Variants in PTPN23 observed in about 807,000 individuals in gnomAD.
The protein encoded by PTPN23 is tyrosine-protein phosphatase non-receptor type 23.
In PTPN23, 72 loss-of-function variants were observed where a neutral mutation model predicts 156.3. The ratio of observed to expected loss-of-function variants is 0.46; its 90% confidence interval spans 0.38 to 0.56. PTPN23 has a LOEUF of 0.56. Ranked by LOEUF, PTPN23 falls within the 20% of genes least tolerant of loss-of-function variation. PTPN23 has a pLI of 0.00. For missense variants in PTPN23, 1,974 were observed against 2,171.5 expected, an observed-to-expected ratio of 0.91 and a Z score of 1.81; for synonymous variants, 957 against 899.6, an observed-to-expected ratio of 1.06 and a Z score of -1.14.
At position 47,410,579 on chromosome 3, in the gene PTPN23, G is replaced by A. The variant is rs964219859; in HGVS notation, c.2781G>A (p.Gly927=). The A allele has an allele frequency of 3.7e-6, 6 of 1,611,902 alleles. No individual in the cohort carries two copies. The highest frequency in any genetic ancestry group is 2.7e-5 in the African/African-American group (2 of 74,530). The change falls in exon 20 of 25, where the codon GGG becomes GGA. Residue 927 remains glycine, a synonymous_variant. Coordinates refer to ENST00000265562, the MANE Select transcript of PTPN23 (RefSeq NM_015466.4). Reference sequence around the variant, plus strand: ...CCACGCCTTACACCTACCCTGCAGGGGCTAAGCAACCCATCCCGGCACAGC... The same window carrying A: ...CCACGCCTTACACCTACCCTGCAGGAGCTAAGCAACCCATCCCGGCACAGC... ...PLPTPYTYPA[G]AKQPIPAQHH... is the part of the protein sequence containing the mutation.
intron 2 of PTPN23, among the ~76,000 whole-genome samples, chr3:47,400,025 G>T (rs765534492): frequency 6.6e-6 from 1 of 152,048 alleles, no homozygotes; most frequent in Non-Finnish European, 1.5e-5. Flanking sequence ...TCCCCAGGCT[G>T]GTCTTAAACT....
Position 47,405,674 on chromosome 3 carries a change from C to T in PTPN23, c.365-75C>T, listed in dbSNP as rs1705103745. On this transcript the variant is annotated intron_variant, in intron 4 of 24. Transcript: ENST00000265562. This position sits in a 1 kb window ranked among gnomAD's most constrained non-coding sequence, Gnocchi z 4.7. ...ATGTTGTCCTGATTGTGGATAACAG[C>T]AGTGCCCCCTCTGTCTCACCTTCAC... 1.4e-6 allele frequency: 2 copies of T among 1,434,824 alleles called. No individual in the cohort carries two copies. The highest frequency in any genetic ancestry group is 1.9e-6 in the Non-Finnish European group (2 of 1,042,552). The allele number at this position is 1,434,824 out of a possible 1,614,324, so 88.9% of individuals were successfully genotyped here.
intron 1 of PTPN23, among the ~76,000 whole-genome samples, chr3:47,382,359 T>C (rs988791395): frequency 6.6e-6 from 1 of 151,720 alleles, no homozygotes; most frequent in African/African-American, 2.4e-5. Context: ...TTCGCTCTTG[T>C]TGCCCAGGCT....
intron 1 of PTPN23, among the ~76,000 whole-genome samples, chr3:47,383,969 C>G (rs1470800927): frequency 6.6e-6 from 1 of 152,198 alleles, no homozygotes; most frequent in Admixed American, 6.5e-5. Context: ...TATGCTTGCT[C>G]TGAGCTGTGG....
In PTPN23 at chr3:47,381,094, G is replaced by T; in HGVS notation, c.-3G>T. ...GCCGGGTGGCCGGCGGGTGCCAGCC[G>T]CCATGGAGGCCGTGCCCCGCATGCC... On this transcript the variant is annotated 5_prime_UTR_variant, in exon 1 of 25. Transcript: ENST00000265562. 1 of 1,566,494 alleles carries T rather than the reference G, an allele frequency of 6.4e-7. No individual in the cohort carries two copies. The highest frequency in any genetic ancestry group is 1.2e-5 in the South Asian group (1 of 85,438).
chr3:47,392,857 G>A (rs1165179084), intron 1 of PTPN23, among the ~76,000 whole-genome samples: 2 of 151,976 alleles, frequency 1.3e-5, no homozygotes, highest in African/African-American at 4.8e-5. Context: ...TCACTATCTA[G>A]TATTTTTGTT....
At position 47,406,679 on chromosome 3, in the gene PTPN23, G is replaced by T; in HGVS notation, c.760-24G>T. ...GTGGCCACAGCTCAGGAAGCAAGTC[G>T]TGGCGTCTCTTCTTCTTTCCCAGCT... is the stretch of plus-strand genomic sequence containing the variant. On this transcript the variant is annotated intron_variant, in intron 8 of 24. Coordinates refer to ENST00000265562, the MANE Select transcript of PTPN23 (RefSeq NM_015466.4). The surrounding 1 kb of genome is among the most constrained non-coding windows in gnomAD (Gnocchi z 5.8). The T allele has an allele frequency of 1.2e-6, 2 of 1,614,012 alleles. No individual in the cohort carries two copies. Among genetic ancestry groups the T allele is most frequent in the Middle Eastern group, 1.7e-4 (1 of 6,054 alleles).
intron 2 of PTPN23, among the ~76,000 whole-genome samples, chr3:47,401,409 G>A (rs1036620767): frequency 6.6e-6 from 1 of 151,988 alleles, no homozygotes; most frequent in African/African-American, 2.4e-5. Flanking sequence ...GTCTCGCCAT[G>A]TTCTTCAGGC....
chr3:47,386,338 G>T (rs552208010), intron 1 of PTPN23, among the ~76,000 whole-genome samples: 1 of 152,108 alleles, frequency 6.6e-6, no homozygotes, highest in East Asian at 1.9e-4. Context: ...ACCAATTTTT[G>T]TATTTTTAAT....
In PTPN23 at chr3:47,409,890, G is replaced by A. The variant is rs369307762; in HGVS notation, c.2130-38G>A. 9.1e-5 allele frequency: 144 copies of A among 1,580,522 alleles called. No individual in the cohort carries two copies. In the African/African-American group the frequency reaches 1.8e-3, roughly 20 times the overall value. ...TCGGGTCCAGACAGGCTGGGGTGAT[G>A]GGAGCCTGGCCCCACTTTTTCCTTG... is the stretch of plus-strand genomic sequence containing the variant. On this transcript the variant is annotated intron_variant, in intron 19 of 24. Coordinates refer to ENST00000265562, the MANE Select transcript of PTPN23 (RefSeq NM_015466.4).
In PTPN23 at chr3:47,410,045, C is replaced by G; in HGVS notation, c.2247C>G (p.Pro749=). 1.2e-6 allele frequency: 2 copies of G among 1,611,612 alleles called. No individual in the cohort carries two copies. Among genetic ancestry groups the G allele is most frequent in the Non-Finnish European group, 8.5e-7 (1 of 1,179,072 alleles). ...GDPPEELRSL[P]PDMVAGPRLP... is the part of the protein sequence containing the mutation. ...CCCCTGAGGAGCTGCGCAGCCTCCC[C>G]CCTGACATGGTGGCTGGCCCACGAC... is the stretch of plus-strand genomic sequence containing the variant. The change falls in exon 20 of 25, where the codon CCC becomes CCG. Residue 749 remains proline (P), a synonymous_variant. Coordinates refer to ENST00000265562, the MANE Select transcript of PTPN23 (RefSeq NM_015466.4).
chr3:47,391,480 G>A (rs1419420621), intron 1 of PTPN23, among the ~76,000 whole-genome samples: 3 of 152,202 alleles, frequency 2.0e-5, no homozygotes, highest in African/African-American at 7.2e-5. Flanking sequence ...TTCTAAGGAT[G>A]GAGTGATTAC....
chr3:47,410,713 C>A lies in PTPN23; in HGVS notation c.2915C>A (p.Pro972Gln), dbSNP rs1470834078. Reference sequence around the variant, plus strand: ...TCACAAGCGTTTGGGCCTCAGCCCCCACAGCAGCCCCTTCCACTCCAGCAT... The same window carrying A: ...TCACAAGCGTTTGGGCCTCAGCCCCAACAGCAGCCCCTTCCACTCCAGCAT... ...HPSQAFGPQP[P>Q]QQPLPLQHPH... The change falls in exon 20 of 25, where the codon CCA (proline) becomes CAA (glutamine). Residue 972 changes from proline to glutamine, a missense_variant. Physicochemically the swap from Pro to Gln is moderately conservative, Grantham distance 76 (BLOSUM62 -1). Coordinates refer to ENST00000265562, the MANE Select transcript of PTPN23 (RefSeq NM_015466.4). 2 of 1,590,500 alleles carry A rather than the reference C, an allele frequency of 1.3e-6. No homozygotes were observed. The highest frequency in any genetic ancestry group is 2.3e-5 in the South Asian group (2 of 88,470).
chr3:47,411,185 C>T lies in PTPN23; in HGVS notation c.3387C>T (p.Gly1129=), dbSNP rs756574845. Reference sequence around the variant, plus strand: ...CCTCCAGCCCGGAGAGCCAGCATGGCGGCACTCAGTCTCCTGGGGGTGGGC... The same window carrying T: ...CCTCCAGCCCGGAGAGCCAGCATGGTGGCACTCAGTCTCCTGGGGGTGGGC... ...LLSSSPESQH[G]GTQSPGGGQP... The change falls in exon 20 of 25, where the codon GGC becomes GGT. Residue 1129 remains glycine (G), a synonymous_variant. Transcript: ENST00000265562. The surrounding 1 kb of genome is among the most constrained non-coding windows in gnomAD (Gnocchi z 6.3). 2.2e-5 allele frequency: 36 copies of T among 1,602,610 alleles called. No homozygotes were observed. Among genetic ancestry groups the T allele is most frequent in the East Asian group, 4.5e-5 (2 of 44,528 alleles).
In PTPN23 at chr3:47,396,159, A is replaced by G. The variant is rs746591446; in HGVS notation, c.101A>G (p.Tyr34Cys). The G allele has an allele frequency of 1.2e-6, 2 of 1,612,922 alleles. No homozygotes were observed. Among genetic ancestry groups the G allele is most frequent in the East Asian group, 4.5e-5 (2 of 44,852 alleles). The change falls in exon 2 of 25, where the codon TAT becomes TGT. Residue 34 changes from tyrosine (Y) to cysteine (C), a missense_variant. Tyr to Cys is a radical substitution (Grantham distance 194, BLOSUM62 -2). Coordinates refer to ENST00000265562, the MANE Select transcript of PTPN23 (RefSeq NM_015466.4). ...TCTCTGTAGTTTGTCCTGAAGAATT[A>G]TGGAGAGAACCCAGAAGCCTACAAT... ...PAVKKFVLKN[Y>C]GENPEAYNEE...
intron 2 of PTPN23, among the ~76,000 whole-genome samples, chr3:47,398,376 G>A (rs1409947799): frequency 6.6e-6 from 1 of 152,092 alleles, no homozygotes; most frequent in Admixed American, 6.6e-5. Flanking sequence ...TAGGCCTCTT[G>A]CACCAGATCA....
At chr3:47,397,185 A>T (rs2107704100) in intron 2 of PTPN23, among the ~76,000 whole-genome samples, 1 of 152,276 alleles carries the variant, frequency 6.6e-6, no homozygotes, top group East Asian at 1.9e-4. Flanking sequence ...AACATCAAAG[A>T]TCACTGATCA....
intron 2 of PTPN23, among the ~76,000 whole-genome samples, chr3:47,397,696 G>T (rs1704906806): frequency 6.6e-6 from 1 of 152,032 alleles, no homozygotes; most frequent in Admixed American, 6.5e-5. Flanking sequence ...CTGAGACCTA[G>T]TCTTACTCTG....
At position 47,409,767 on chromosome 3, in the gene PTPN23, G is replaced by A. The variant is rs768703736; in HGVS notation, c.2062G>A (p.Ala688Thr). The change falls in exon 19 of 25, where the codon GCT (alanine) becomes ACT (threonine). Residue 688 changes from alanine (A) to threonine (T), a missense_variant. This residue lies in a region of PTPN23 where 726 missense variants were observed against 929.5 expected (regional missense o/e 0.78). Coordinates refer to ENST00000265562, the MANE Select transcript of PTPN23 (RefSeq NM_015466.4). ...FYADLESKVA[A>T]LLERTQSTCQ... Reference sequence around the variant, plus strand: ...CGCAGATCTGGAGAGCAAGGTGGCTGCTCTGCTGGAGCGCACGCAGTCCAC... The same window carrying A: ...CGCAGATCTGGAGAGCAAGGTGGCTACTCTGCTGGAGCGCACGCAGTCCAC... The A allele has an allele frequency of 1.2e-6, 2 of 1,608,008 alleles. No homozygotes were observed. The highest frequency in any genetic ancestry group is 1.1e-5 in the South Asian group (1 of 90,884).
Sources: gnomAD v4.1 joint callset for allele counts (sites outside exome capture counted in the v4.1 genomes callset) on GRCh38, gnomAD v4.1.1 for gene constraint, gnomAD v4.1.1 regional missense constraint, Gnocchi (gnomAD v3.1) non-coding constraint, MANE v1.5 for transcripts, NCBI Gene and HGNC (gene_info 2026-07-23, HGNC 2026-07-21) for gene names.